PTPRD: variants seen among roughly 807,000 people sequenced by gnomAD.
PTPRD encodes the protein receptor-type tyrosine-protein phosphatase delta.
In PTPRD, 34 loss-of-function variants were observed where a neutral mutation model predicts 214.5. The ratio of observed to expected loss-of-function variants is 0.16; its 90% CI spans 0.12 to 0.21. The LOEUF (loss-of-function observed/expected upper bound fraction) is 0.21. Ranked by LOEUF, PTPRD falls within the 10% of genes least tolerant of loss-of-function variation. The pLI is 1.00. For synonymous variants in PTPRD, 1,128 were observed against 845.7 expected, an observed-to-expected ratio of 1.33 and a Z score of -5.79; for missense variants, 2,545 against 2,398.7, an observed-to-expected ratio of 1.06 and a Z score of -1.27.
intron 2 of PTPRD, among the ~76,000 whole-genome samples, chr9:10,455,039 G>A (rs369053673): frequency 2.4e-4 from 37 of 151,772 alleles, no homozygotes; most frequent in African/African-American, 7.9e-4. Flanking sequence ...TTTTAAAAAT[G>A]TCCTATTCCA....
intron 3 of PTPRD, among the ~76,000 whole-genome samples, chr9:10,276,523 T>C (rs1384777388): frequency 6.6e-6 from 1 of 152,196 alleles, no homozygotes; most frequent in Non-Finnish European, 1.5e-5. Flanking sequence ...GAGCAACAAG[T>C]CTTTAGACAA....
chr9:9,195,716 C>CAAAA (rs373628761), intron 9 of PTPRD, among the ~76,000 whole-genome samples: 4 of 130,248 alleles, frequency 3.1e-5, no homozygotes, highest in Non-Finnish European at 5.1e-5. Flanking sequence ...TTTTTAAATG[C>CAAAA]AAAAAAAAAA....
At chr9:9,251,734 C>T (rs1052654325) in intron 9 of PTPRD, among the ~76,000 whole-genome samples, 3 of 151,956 alleles carry the variant, frequency 2.0e-5, no homozygotes, top group Non-Finnish European at 2.9e-5. Flanking sequence ...GTACTTTGTA[C>T]ATTTGAAAGA....
intron 11 of PTPRD, among the ~76,000 whole-genome samples, chr9:8,812,617 C>T (rs552564972): frequency 6.6e-6 from 1 of 152,218 alleles, no homozygotes; most frequent in South Asian, 2.1e-4. Context: ...AAACTGACTT[C>T]ATTCCAACCT....
chr9:8,783,811 G>A (rs1490218461), intron 11 of PTPRD, among the ~76,000 whole-genome samples: 1 of 152,078 alleles, frequency 6.6e-6, no homozygotes, highest in Non-Finnish European at 1.5e-5. Context: ...GATAGAGCAG[G>A]AGGGCAGGTA....
chr9:9,095,196 C>G (rs1217207894), intron 10 of PTPRD, among the ~76,000 whole-genome samples: 1 of 151,984 alleles, frequency 6.6e-6, no homozygotes, highest in Non-Finnish European at 1.5e-5. Flanking sequence ...AAATCAGGAA[C>G]AAGGCAAGAG....
At chr9:9,240,427 C>T (rs1293019270) in intron 9 of PTPRD, among the ~76,000 whole-genome samples, 2 of 152,262 alleles carry the variant, frequency 1.3e-5, no homozygotes, top group East Asian at 1.9e-4. Flanking sequence ...AATCCCAGCA[C>T]TTTGGGAGGC....
At chr9:8,854,059 C>T (rs2097865802) in intron 11 of PTPRD, among the ~76,000 whole-genome samples, 1 of 152,234 alleles carries the variant, frequency 6.6e-6, no homozygotes, top group South Asian at 2.1e-4. Context: ...CTTCATATAT[C>T]TGGGCATGTA....
Position 9,430,542 on chromosome 9 carries a change from G to C in PTPRD, c.-236-33060C>G, listed in dbSNP as rs560331690. ...ACCAATGATTTTCTTCACAGAATTG[G>C]AAAAAAACTACTTTAAAGTTCATAT... On this transcript the variant is annotated intron_variant, in intron 8 of 45. Coordinates refer to ENST00000381196, the MANE Select transcript of PTPRD (RefSeq NM_002839.4). 5.9e-5 allele frequency among the ~76,000 whole-genome samples: 9 copies of C among 152,052 alleles called. No individual in the cohort carries two copies. The East Asian group carries it at 1.7e-3, about 29-fold the overall frequency.
At chr9:10,466,617 C>T (rs551866257) in intron 2 of PTPRD, among the ~76,000 whole-genome samples, 39 of 75,256 alleles carry the variant, frequency 5.2e-4, no homozygotes, top group African/African-American at 2.4e-3. Context: ...GAGCGAAACT[C>T]CAACTCAAAA....
chr9:8,380,007 C>G (rs1244507703), intron 37 of PTPRD, among the ~76,000 whole-genome samples: 1 of 152,070 alleles, frequency 6.6e-6, no homozygotes, highest in South Asian at 2.1e-4. Context: ...ACACTTAACC[C>G]AAATGGCTGG....
rs76068296 is a variant in PTPRD at position 9,817,156 on chromosome 9, T to C, written c.-367-50305A>G. ...TGAATCATGAGGGAGACAAGTCATA[T>C]AAATAAAACAAATTTTAAATTAATC... On this transcript the variant is annotated intron_variant, in intron 5 of 45. Coordinates refer to ENST00000381196, the MANE Select transcript of PTPRD (RefSeq NM_002839.4). Among the ~76,000 whole-genome samples, 6 of 152,224 alleles carry C rather than the reference T, an allele frequency of 3.9e-5. No homozygotes were observed. In the East Asian group the frequency reaches 1.2e-3, roughly 29 times the overall value.
At chr9:9,532,716 G>C (rs1175253780) in intron 8 of PTPRD, among the ~76,000 whole-genome samples, 1 of 152,128 alleles carries the variant, frequency 6.6e-6, no homozygotes. Context: ...TGGATGATTA[G>C]TGATTTATTT....
Position 9,372,458 on chromosome 9 carries a change from T to G in PTPRD, c.-203+24991A>C, listed in dbSNP as rs2059781563. On this transcript the variant is annotated intron_variant, in intron 9 of 45. Coordinates refer to ENST00000381196, the MANE Select transcript of PTPRD (RefSeq NM_002839.4). Reference sequence around the variant, plus strand: ...AACCCCTGTCTTTTTTTGTTTTCCATTTGCTTGGTAGATCTTCCTCCATCC... The same window carrying G: ...AACCCCTGTCTTTTTTTGTTTTCCAGTTGCTTGGTAGATCTTCCTCCATCC... Among the ~76,000 whole-genome samples the G allele has an allele frequency of 1.3e-5, 2 of 152,106 alleles. 1 individual carries two copies. The highest frequency in any genetic ancestry group is 4.1e-4 in the South Asian group (2 of 4,828).
intron 7 of PTPRD, among the ~76,000 whole-genome samples, chr9:9,731,814 A>G (rs550365449): frequency 6.6e-6 from 1 of 152,278 alleles, no homozygotes; most frequent in South Asian, 2.1e-4. Flanking sequence ...AATCCTAAAT[A>G]AGTTAGTTAA....
intron 26 of PTPRD, among the ~76,000 whole-genome samples, chr9:8,496,666 A>G (rs1333638937): frequency 6.6e-6 from 1 of 152,212 alleles, no homozygotes; most frequent in African/African-American, 2.4e-5. Flanking sequence ...TGCCAGATCT[A>G]TATCTTGTTA....
chr9:10,126,736 G>T, intron 3 of PTPRD, among the ~76,000 whole-genome samples: 1 of 152,132 alleles, frequency 6.6e-6, no homozygotes, highest in Non-Finnish European at 1.5e-5. Context: ...GACAGGGATG[G>T]GTATTGACTG....
intron 14 of PTPRD, among the ~76,000 whole-genome samples, chr9:8,624,028 G>C (rs922684002): frequency 6.6e-6 from 1 of 151,844 alleles, no homozygotes; most frequent in Non-Finnish European, 1.5e-5. Flanking sequence ...TCATAAAACA[G>C]TTATAGATTT....
At chr9:8,570,416 A>C (rs1017112880) in intron 14 of PTPRD, among the ~76,000 whole-genome samples, 1 of 152,186 alleles carries the variant, frequency 6.6e-6, no homozygotes, top group Non-Finnish European at 1.5e-5. Flanking sequence ...TAAGGAATTT[A>C]ATAAGCTTCC....
Sources: gnomAD v4.1 joint callset for allele counts (sites outside exome capture counted in the v4.1 genomes callset) on GRCh38, gnomAD v4.1.1 for gene constraint, MANE v1.5 for transcripts, NCBI Gene and HGNC (gene_info 2026-07-23, HGNC 2026-07-21) for gene names.